PDE6B: variants seen among roughly 807,000 people sequenced by gnomAD.
PDE6B encodes rod cGMP-specific 3',5'-cyclic phosphodiesterase subunit beta.
In PDE6B, 106 loss-of-function variants were observed where a neutral mutation model predicts 109.0. The observed-to-expected ratio is 0.97, with a 90% CI of 0.83 to 1.14. The LOEUF is 1.14. PDE6B is among the 50% of genes most tolerant of loss of function. PDE6B has a pLI of 0.00. For synonymous variants in PDE6B, 490 were observed against 471.3 expected (o/e 1.04, Z -0.51); for missense variants, 1,193 against 1,155.6 (o/e 1.03, Z -0.47).
intron 6 of PDE6B, chr4:655,585 A>C: frequency 2.5e-6 from 1 of 399,636 alleles, no homozygotes; most frequent in Middle Eastern, 7.9e-4. Context: ...GGGAGGAGGA[A>C]GAAGGCAGCA....
chr4:648,383 G>A lies in PDE6B; in HGVS notation c.712-5469G>A, dbSNP rs1334834688. 1.3e-5 allele frequency among the ~76,000 whole-genome samples: 2 copies of A among 151,040 alleles called. No individual in the cohort carries two copies. The highest frequency in any genetic ancestry group is 2.9e-5 in the Non-Finnish European group (2 of 68,018). On this transcript the variant is annotated intron_variant, in intron 3 of 21. Transcript: ENST00000496514. This position sits in a 1 kb window ranked among gnomAD's most constrained non-coding sequence, Gnocchi z 4.5. ...TGCAGGAGGCACAGGCCTGCCTCAC[G>A]GCTCTTTTTGAAAATAAAAGTTTGT...
In PDE6B at chr4:636,515, G is replaced by A. The variant is rs1734690238; in HGVS notation, c.711+546G>A. Among the ~76,000 whole-genome samples, 1 of 152,134 alleles carries A rather than the reference G, an allele frequency of 6.6e-6. No homozygotes were observed. The highest frequency in any genetic ancestry group is 1.5e-5 in the Non-Finnish European group (1 of 68,020). On this transcript the variant is annotated intron_variant, in intron 3 of 21. Transcript: ENST00000496514. The surrounding 1 kb of genome is among the most constrained non-coding windows in gnomAD (Gnocchi z 4.5). ...CGCAGGGGGATGACCTCCAGGGCAGGTGGTCCTCCCGTCTGAGACCCTGGC... is the reference window on the plus strand; with the variant it reads ...CGCAGGGGGATGACCTCCAGGGCAGATGGTCCTCCCGTCTGAGACCCTGGC...
At chr4:655,207 G>T (rs779256680) in intron 6 of PDE6B, 168 of 431,312 alleles carry the variant, frequency 3.9e-4, no homozygotes, top group Middle Eastern at 1.4e-3. Context: ...AATTGAGCAT[G>T]AAGGCCCCAG....
chr4:640,071 TG>T (rs1367447744), intron 3 of PDE6B, among the ~76,000 whole-genome samples: 3 of 152,082 alleles, frequency 2.0e-5, no homozygotes, highest in African/African-American at 7.2e-5. Flanking sequence ...TTTGGAAGGC[TG>T]AGGTGGGAGA....
chr4:646,622 C>CCGCT (rs1278885303), intron 3 of PDE6B, among the ~76,000 whole-genome samples: 1 of 152,030 alleles, frequency 6.6e-6, no homozygotes, highest in African/African-American at 2.4e-5. Context: ...TCTCTCTGCT[C>CCGCT]CGCTCGCTCC....
rs66894659 is a variant in PDE6B, at chr4:666,143, G to A, written c.2269-388G>A. On this transcript the variant is annotated intron_variant, in intron 19 of 21. Coordinates refer to ENST00000496514, the MANE Select transcript of PDE6B (RefSeq NM_000283.4). The surrounding 1 kb of genome is among the most constrained non-coding windows in gnomAD (Gnocchi z 5.6). The stretch of plus-strand genomic sequence containing the variant: ...GAGCACGTCTGTGTCTGCCCCAGGC[G>A]AGTGCACAGCGAGGTCCTGGTCAGC... Among the ~76,000 whole-genome samples the A allele has an allele frequency of 0.022, 3,286 of 152,302 alleles. 34 individuals carry two copies. Among genetic ancestry groups the A allele is most frequent in the Middle Eastern group, 0.037 (11 of 294 alleles).
chr4:655,798 C>T, intron 6 of PDE6B, 142 bp from the exon 7 acceptor site: 2 of 718,796 alleles, frequency 2.8e-6, no homozygotes, highest in Admixed American at 1.9e-5. Context: ...CAGCCCAGAC[C>T]AGCCCCTCTG....
chr4:669,248 A>C (rs1459524144), intron 21 of PDE6B, among the ~76,000 whole-genome samples: 1 of 95,414 alleles, frequency 1.0e-5, no homozygotes, highest in Non-Finnish European at 2.2e-5. Flanking sequence ...TGCTGCTCCC[A>C]CTACCCCATG....
At position 670,298 on chromosome 4, in the gene PDE6B, C is replaced by A. The variant is rs111449765; in HGVS notation, c.*191C>A. 5,645 of 748,264 alleles carry A rather than the reference C, an allele frequency of 7.5e-3. 256 individuals are homozygous for A. In the African/African-American group the frequency reaches 0.096, roughly 13 times the overall value. The allele number at this position is 748,264 out of a possible 1,614,324, so 46.4% of individuals were successfully genotyped here. On this transcript the variant is annotated 3_prime_UTR_variant, in exon 22 of 22. Coordinates refer to ENST00000496514, the MANE Select transcript of PDE6B (RefSeq NM_000283.4). ...TGCTCTGTCACCCAGGCTGGAGTGC[C>A]GTGGCACGATCTCAGCTCACTGCAA...
At position 625,758 on chromosome 4, in the gene PDE6B, C is replaced by T. The variant is rs199974771; in HGVS notation, c.132C>T (p.Cys44=). 12 of 1,613,358 alleles carry T rather than the reference C, an allele frequency of 7.4e-6. No individual in the cohort carries two copies. Among genetic ancestry groups the T allele is most frequent in the East Asian group, 6.7e-5 (3 of 44,876 alleles). The change falls in exon 1 of 22, where the codon TGC becomes TGT. Residue 44 remains cysteine (C), a synonymous_variant. Coordinates refer to ENST00000496514, the MANE Select transcript of PDE6B (RefSeq NM_000283.4). The surrounding 1 kb of genome is among the most constrained non-coding windows in gnomAD (Gnocchi z 5.0). ...AACEDGCPPD[C]DSLRDLCQVE... is the part of the protein sequence containing the mutation. ...GCGAGGACGGGTGCCCGCCGGACTGCGACAGCCTCCGGGACCTCTGCCAGG... is the reference window on the plus strand; with the variant it reads ...GCGAGGACGGGTGCCCGCCGGACTGTGACAGCCTCCGGGACCTCTGCCAGG...
chr4:664,974 G>A (rs756078287), intron 18 of PDE6B, 30 bp downstream of exon 18: 2 of 1,553,420 alleles, frequency 1.3e-6, no homozygotes, highest in East Asian at 2.2e-5. Context: ...CAGACCCAGA[G>A]TCAGTGCCTC....
At chr4:643,726 A>ATT (rs1253984551) in intron 3 of PDE6B, among the ~76,000 whole-genome samples, 1 of 151,386 alleles carries the variant, frequency 6.6e-6, no homozygotes, top group Non-Finnish European at 1.5e-5. Flanking sequence ...TTTATTATTT[A>ATT]TTTTCTTCTG....
In PDE6B at chr4:653,956, G is replaced by A. The variant is rs763869463; in HGVS notation, c.816G>A (p.Arg272=). 6 of 1,613,894 alleles carry A rather than the reference G, an allele frequency of 3.7e-6. No individual in the cohort carries two copies. The highest frequency in any genetic ancestry group is 4.5e-5 in the East Asian group (2 of 44,882). ...TGCGGGCCTACCTCAACTGCGAGCG[G>A]TACTCCGTGGGCCTCCTGGACATGA... The part of the protein sequence containing the change: ...YTVRAYLNCE[R]YSVGLLDMTK... Residue 272 remains arginine (R), a synonymous_variant, in exon 4 of 22, where the codon CGG becomes CGA. Transcript: ENST00000496514.
In PDE6B at chr4:666,005, G is replaced by C. The variant is rs889289634; in HGVS notation, c.2269-526G>C. ...CCCACAGGGGAAGGACAGGCAGCAG[G>C]TCCATCCCCCGCGCCCGGCCTCTAG... On this transcript the variant is annotated intron_variant, in intron 19 of 21. Coordinates refer to ENST00000496514, the MANE Select transcript of PDE6B (RefSeq NM_000283.4). This position sits in a 1 kb window ranked among gnomAD's most constrained non-coding sequence, Gnocchi z 5.6. Among the ~76,000 whole-genome samples, 1 of 152,144 alleles carries C rather than the reference G, an allele frequency of 6.6e-6. No individual in the cohort carries two copies. Among genetic ancestry groups the C allele is most frequent in the African/African-American group, 2.4e-5 (1 of 41,420 alleles).
At chr4:630,208 G>A (rs958075537) in intron 1 of PDE6B, among the ~76,000 whole-genome samples, 1 of 152,194 alleles carries the variant, frequency 6.6e-6, no homozygotes, top group Admixed American at 6.5e-5. Context: ...CTGGCAGTCG[G>A]ACAGGGAGGC....
In PDE6B at chr4:633,396, C is replaced by A. The variant is rs1412809783; in HGVS notation, c.469-1281C>A. On this transcript the variant is annotated intron_variant, in intron 1 of 21. Coordinates refer to ENST00000496514, the MANE Select transcript of PDE6B (RefSeq NM_000283.4). The surrounding 1 kb of genome is among the most constrained non-coding windows in gnomAD (Gnocchi z 4.5). ...GGGCAGCAGCTGTATCTCCAAGAAT[C>A]AGGAAATGAGGAGCAGGAAGGGTGG... 6.6e-6 allele frequency among the ~76,000 whole-genome samples: 1 copy of A among 152,198 alleles called. No individual in the cohort carries two copies. Among genetic ancestry groups the A allele is most frequent in the African/African-American group, 2.4e-5 (1 of 41,438 alleles).
At chr4:660,700 C>A (rs1736966111) in intron 12 of PDE6B, 87 bp downstream of exon 12, 2 of 1,202,434 alleles carry the variant, frequency 1.7e-6, no homozygotes, top group Admixed American at 3.6e-5. Flanking sequence ...TCAGGTGCCC[C>A]AGAAGGTGAG....
At chr4:639,170 G>A (rs555835811) in intron 3 of PDE6B, among the ~76,000 whole-genome samples, 3 of 151,638 alleles carry the variant, frequency 2.0e-5, no homozygotes, top group Admixed American at 2.0e-4. Context: ...CTTGAGACAA[G>A]GCCTCACTCT....
In PDE6B at chr4:662,326, G is replaced by T; in HGVS notation, c.1722+85G>T. 1.1e-6 allele frequency: 1 copy of T among 871,148 alleles called. No individual in the cohort carries two copies. 54.0% of individuals were successfully genotyped at this position (871,148 alleles called of 1,614,324 possible). ...TCAAGCACCCCGAGGGATGAGATGG[G>T]GGTCCTCCCAGGGCAGAAGGATGGA... On this transcript the variant is annotated intron_variant, in intron 13 of 21. Transcript: ENST00000496514. The surrounding 1 kb of genome is among the most constrained non-coding windows in gnomAD (Gnocchi z 4.3).
Sources: gnomAD v4.1 joint callset for allele counts (sites outside exome capture counted in the v4.1 genomes callset) on GRCh38, gnomAD v4.1.1 for gene constraint, Gnocchi (gnomAD v3.1) non-coding constraint, MANE v1.5 for transcripts, NCBI Gene and HGNC (gene_info 2026-07-23, HGNC 2026-07-21) for gene names.